FHDC1: variants seen among roughly 807,000 people sequenced by gnomAD.
FHDC1 encodes the protein FH2 domain containing 1.
A neutral mutation model predicts 52.6 loss-of-function variants in FHDC1; 25 were observed. That is an observed-to-expected ratio of 0.48 (90% CI 0.35 to 0.66). The LOEUF is 0.66. Ranked by LOEUF, FHDC1 falls within the 30% of genes least tolerant of loss-of-function variation. FHDC1 has a pLI of 0.01. For missense variants in FHDC1, 1,459 were observed against 1,452.8 expected (o/e 1.00, Z -0.07); for synonymous variants, 616 against 581.5 (o/e 1.06, Z -0.85).
rs1371182423 is a variant in FHDC1 at position 152,964,089 on chromosome 4, C to T, written c.1030-816C>T. On this transcript the variant is annotated intron_variant, in intron 8 of 11. Coordinates refer to ENST00000511601, the MANE Select transcript of FHDC1 (RefSeq NM_001371116.1). ...AGGCAAGTTATTTAAACCTGAAGAC[C>T]CTCAATTTCTTCATCTAATGGTGAG... is the stretch of plus-strand genomic sequence containing the variant. Among the ~76,000 whole-genome samples, 3 of 151,984 alleles carry T rather than the reference C, an allele frequency of 2.0e-5. No individual in the cohort carries two copies. In the East Asian group the frequency reaches 5.8e-4, roughly 29 times the overall value.
chr4:152,965,083 T>C, intron 9 of FHDC1, 108 bp downstream of exon 9: 1 of 1,088,628 alleles, frequency 9.2e-7, no homozygotes. Context: ...TTTTGTTTCA[T>C]TGAACTTTCA....
intron 10 of FHDC1, among the ~76,000 whole-genome samples, chr4:152,968,557 G>C (rs181194145): frequency 6.6e-6 from 1 of 152,100 alleles, no homozygotes; most frequent in African/African-American, 2.4e-5. Flanking sequence ...TCAAACTCCC[G>C]ACCTCAGGTG....
At chr4:152,911,671 A>G in the FHDC1 span, 25 of 152,590 alleles carry the variant, frequency 1.6e-4, no homozygotes, top group Admixed American at 4.6e-4. Context: ...GATTTGTTAT[A>G]TATGTTCAAA....
At chr4:152,960,183 T>A (rs1740234389) in intron 4 of FHDC1, among the ~76,000 whole-genome samples, 1 of 152,236 alleles carries the variant, frequency 6.6e-6, no homozygotes, top group Non-Finnish European at 1.5e-5. Context: ...TACAGTCTTT[T>A]ATTTCTTCTC....
chr4:152,923,639 T>C, the FHDC1 span, among the ~76,000 whole-genome samples: 44 of 146,898 alleles, frequency 3.0e-4, no homozygotes, highest in African/African-American at 1.1e-3. Context: ...CAAAACAGCA[T>C]GGTACTGGTA....
Position 152,964,860 on chromosome 4 carries a change from C to T in FHDC1, c.1030-45C>T, listed in dbSNP as rs781756347. On this transcript the variant is annotated intron_variant, in intron 8 of 11. Transcript: ENST00000511601. ...TAAGCCCTAAGAAAATTATTTCCTT[C>T]CAGTTTTATCAACATAGTGAGATAA... is the stretch of plus-strand genomic sequence containing the variant. The T allele has an allele frequency of 2.7e-6, 4 of 1,497,226 alleles. No individual in the cohort carries two copies. The South Asian group carries it at 3.6e-5, about 13-fold the overall frequency. The allele number at this position is 1,497,226 out of a possible 1,614,324, so 92.7% of individuals were successfully genotyped here. A position where few individuals can be genotyped will look rare whatever the true frequency, so the allele number is the denominator to read the frequency against.
chr4:152,970,666 T>C (rs956895572), intron 10 of FHDC1, among the ~76,000 whole-genome samples: 1 of 152,214 alleles, frequency 6.6e-6, no homozygotes, highest in Non-Finnish European at 1.5e-5. Context: ...ATACCATTCC[T>C]CCATAAAGAA....
upstream of FHDC1, among the ~76,000 whole-genome samples, chr4:152,931,835 G>A (rs1409865028): frequency 6.6e-6 from 1 of 151,442 alleles, no homozygotes; most frequent in African/African-American, 2.4e-5. Context: ...TACTTGGGAG[G>A]CTGAAGTGGG....
the FHDC1 span, chr4:152,912,287 T>C: frequency 2.8e-4 from 42 of 152,258 alleles, no homozygotes; most frequent in African/African-American, 9.9e-4. Flanking sequence ...AGAAAAGAAT[T>C]AGAAGAAAAT....
chr4:152,966,183 G>A (rs770444714), intron 9 of FHDC1, among the ~76,000 whole-genome samples: 16 of 152,168 alleles, frequency 1.1e-4, no homozygotes, highest in African/African-American at 2.9e-4. Flanking sequence ...TTGAAATGGC[G>A]TTTCTGGTCA....
intron 6 of FHDC1, 68 bp downstream of exon 6, chr4:152,960,912 C>A: frequency 8.4e-7 from 1 of 1,195,900 alleles, no homozygotes; most frequent in Non-Finnish European, 1.2e-6. Flanking sequence ...TTTAAAAAAG[C>A]CAAATGAAAT....
chr4:152,943,143 C>T lies in FHDC1; in HGVS notation c.86C>T (p.Thr29Ile), dbSNP rs773882150. Residue 29 changes from threonine to isoleucine, a missense_variant, in exon 2 of 12, where the codon ACA becomes ATA. Thr to Ile is a moderately conservative substitution (Grantham distance 89). Coordinates refer to ENST00000511601, the MANE Select transcript of FHDC1 (RefSeq NM_001371116.1). ...ATAPGFMIGQ[T>I]PPPAPPPPPP... ...GCACCTGGATTCATGATTGGGCAGA[C>T]ACCTCCTCCAGCACCTCCTCCACCT... 16 of 1,613,896 alleles carry T rather than the reference C, an allele frequency of 9.9e-6. No individual in the cohort carries two copies. The highest frequency in any genetic ancestry group is 1.6e-4 in the Middle Eastern group (1 of 6,084).
intron 8 of FHDC1, 30 bp from the exon 9 acceptor site, chr4:152,964,875 T>C (rs1160605213): frequency 1.3e-6 from 2 of 1,567,252 alleles, no homozygotes; most frequent in Admixed American, 1.7e-5. Flanking sequence ...TTTATCAACA[T>C]AGTGAGATAA....
the FHDC1 span, chr4:152,911,464 G>C: frequency 6.6e-6 from 1 of 152,218 alleles, no homozygotes; most frequent in African/African-American, 2.4e-5. Flanking sequence ...CGGCACTGTT[G>C]GTTTTGTTTT....
intron 8 of FHDC1, among the ~76,000 whole-genome samples, chr4:152,963,832 G>A (rs1288259671): frequency 8.7e-6 from 1 of 115,204 alleles, no homozygotes; most frequent in Non-Finnish European, 1.7e-5. Context: ...CCAAAAAAGT[G>A]AGGAACAAAG....
the FHDC1 span, among the ~76,000 whole-genome samples, chr4:152,919,571 A>G: frequency 6.6e-6 from 1 of 152,176 alleles, no homozygotes; most frequent in African/African-American, 2.4e-5. Context: ...TTGAATCTTA[A>G]TACTTTCTTT....
At chr4:152,932,683 G>T (rs1313029889), upstream of FHDC1, among the ~76,000 whole-genome samples, 2 of 152,136 alleles carry the variant, frequency 1.3e-5, no homozygotes, top group Non-Finnish European at 2.9e-5. Context: ...ATTTTAAGAA[G>T]AATAACGATT....
chr4:152,921,546 TTTCC>T, the FHDC1 span, among the ~76,000 whole-genome samples: 4,991 of 138,478 alleles, frequency 0.036, 189 homozygotes, highest in African/African-American at 0.089. Flanking sequence ...AAATATTTTC[TTTCC>T]TTCCTTCCTT....
chr4:152,940,804 T>G (rs1739553893), intron 1 of FHDC1, among the ~76,000 whole-genome samples: 1 of 152,198 alleles, frequency 6.6e-6, no homozygotes, highest in Non-Finnish European at 1.5e-5. Flanking sequence ...AAGGATAAAC[T>G]GCCAAAATTA....
Sources: allele counts gnomAD v4.1 joint callset (sites outside exome capture counted in the v4.1 genomes callset), GRCh38; gene constraint gnomAD v4.1.1; transcripts MANE v1.5; gene names NCBI Gene and HGNC (gene_info 2026-07-23, HGNC 2026-07-21).